GRAMD2B: variants seen among roughly 807,000 people sequenced by gnomAD.
The protein encoded by GRAMD2B is GRAM domain-containing protein 2B.
GRAMD2B carries 41 observed loss-of-function variants against 59.2 expected under a neutral mutation model. The observed-to-expected ratio is 0.69, with a 90% confidence interval of 0.54 to 0.90. The LOEUF is 0.90. GRAMD2B is among the 40% of genes least tolerant of loss of function. The pLI is 0.00. For missense variants in GRAMD2B, 424 were observed against 500.5 expected (o/e 0.85, Z 1.46); for synonymous variants, 161 against 182.7 (o/e 0.88, Z 0.96).
In GRAMD2B at chr5:126,423,627, T is replaced by C. The variant is rs1760034895; in HGVS notation, c.21T>C (p.Asp7=). The change falls in exon 1 of 14, where the codon GAT becomes GAC. Residue 7 remains aspartate, a synonymous_variant. Coordinates refer to ENST00000285689, the MANE Select transcript of GRAMD2B (RefSeq NM_023927.4). MTELQQ[D]VEDTKPAKVL... Reference sequence around the variant, plus strand: ...CCCCGATGACTGAACTACAGCAAGATGTGGAAGACACAAAGCCTGCGAAAG... The same window carrying C: ...CCCCGATGACTGAACTACAGCAAGACGTGGAAGACACAAAGCCTGCGAAAG... 2.5e-6 allele frequency: 4 copies of C among 1,612,482 alleles called. No homozygotes were observed. Among genetic ancestry groups the C allele is most frequent in the Non-Finnish European group, 3.4e-6 (4 of 1,179,408 alleles).
intron 1 of GRAMD2B, 93 bp from the exon 2 acceptor site, chr5:126,465,309 CTATCAGTGAGGAATGAAAATCATT>C: frequency 6.4e-7 from 1 of 1,556,542 alleles, no homozygotes; most frequent in Non-Finnish European, 8.7e-7. Context: ...GTTAACTAGC[CTATCAGTGAGGAATGAAAATCATT>C]CCATTCTCTA....
intron 2 of GRAMD2B, chr5:126,466,298 T>C (rs908311214): frequency 6.6e-7 from 1 of 1,520,108 alleles, no homozygotes; most frequent in African/African-American, 1.4e-5. Flanking sequence ...TCCCAGCCCA[T>C]ATCTTCTCTC....
intron 8 of GRAMD2B, among the ~76,000 whole-genome samples, chr5:126,481,223 GAAAGAAAGAAAGAAAGAAAGAAAGA>G (rs1771749846): frequency 2.2e-5 from 2 of 89,074 alleles, no homozygotes; most frequent in African/African-American, 4.9e-5. Flanking sequence ...AAGAAAGAAA[GAAAGAAAGAAAGAAAGAAAGAAAGA>G]AAAGAAAAAA....
Position 126,437,972 on chromosome 5 carries a change from A to T in GRAMD2B, c.83+14283A>T, listed in dbSNP as rs116196898. Among the ~76,000 whole-genome samples the T allele has an allele frequency of 2.4e-3, 365 of 152,274 alleles. 2 individuals are homozygous for T. Among genetic ancestry groups the T allele is most frequent in the African/African-American group, 8.4e-3 (350 of 41,542 alleles). On this transcript the variant is annotated intron_variant, in intron 1 of 13. Transcript: ENST00000285689. ...GTGCCTGGCTTGCATCACAGCTCAGATTGGTGCATACTGGAATCTTCTTTG... is the reference window on the plus strand; with the variant it reads ...GTGCCTGGCTTGCATCACAGCTCAGTTTGGTGCATACTGGAATCTTCTTTG...
chr5:126,394,168 G>A (rs544542161), intron 1 of GRAMD2B, among the ~76,000 whole-genome samples: 54 of 151,964 alleles, frequency 3.6e-4, no homozygotes, highest in African/African-American at 6.3e-4. Context: ...CCAGCTACTC[G>A]GGAGGCTGAG....
At chr5:126,436,487 A>G (rs1762436331) in intron 1 of GRAMD2B, among the ~76,000 whole-genome samples, 1 of 152,126 alleles carries the variant, frequency 6.6e-6, no homozygotes, top group Non-Finnish European at 1.5e-5. Context: ...TGCCTCTACC[A>G]CAAATAATAT....
upstream of GRAMD2B, among the ~76,000 whole-genome samples, chr5:126,370,197 G>T (rs1211902682): frequency 6.6e-6 from 1 of 152,176 alleles, no homozygotes; most frequent in Non-Finnish European, 1.5e-5. Flanking sequence ...GGAAAATATT[G>T]TCCAAAATAA....
chr5:126,430,398 C>T (rs1761370815), intron 1 of GRAMD2B, among the ~76,000 whole-genome samples: 1 of 152,130 alleles, frequency 6.6e-6, no homozygotes. Flanking sequence ...TACCCATTTC[C>T]AGGTGTAATT....
At chr5:126,408,631 T>C (rs953093734) in intron 1 of GRAMD2B, among the ~76,000 whole-genome samples, 1 of 151,834 alleles carries the variant, frequency 6.6e-6, no homozygotes, top group Non-Finnish European at 1.5e-5. Context: ...ACTAAAATCA[T>C]GCTGTGTGAC....
At chr5:126,365,269 A>C (rs138800540) in intron 1 of GRAMD2B, among the ~76,000 whole-genome samples, 102 of 152,268 alleles carry the variant, frequency 6.7e-4, no homozygotes, top group African/African-American at 2.2e-3. Context: ...TGACTAAAAT[A>C]GTAAATTTAT....
chr5:126,493,787 G>C lies in GRAMD2B; in HGVS notation c.*831G>C, dbSNP rs1165620697. On this transcript the variant is annotated 3_prime_UTR_variant, in exon 14 of 14. Transcript: ENST00000285689. Reference sequence around the variant, plus strand: ...ATTTTTAAGACTGTAGGTGGACTATGTTAGTAGTTTTCAAGCAGGATGTCT... The same window carrying C: ...ATTTTTAAGACTGTAGGTGGACTATCTTAGTAGTTTTCAAGCAGGATGTCT... 6.6e-6 allele frequency: 1 copy of C among 152,588 alleles called. No homozygotes were observed. Among genetic ancestry groups the C allele is most frequent in the Admixed American group, 6.5e-5 (1 of 15,272 alleles). 9.5% of individuals were successfully genotyped at this position (152,588 alleles called of 1,614,324 possible).
Position 126,480,488 on chromosome 5 carries a change from A to G in GRAMD2B, c.615A>G (p.Ser205=), listed in dbSNP as rs1771508833. ...YIFVSLLSRD[S]TYKLLKSVCG... ...TTGTCTCCTTACTCTCCAGAGATTC[A>G]ACTTACAAACTACTAAAATCTGTGT... is the stretch of plus-strand genomic sequence containing the variant. The change falls in exon 7 of 14, where the codon TCA becomes TCG. Residue 205 remains serine (S), a synonymous_variant. Transcript: ENST00000285689. 1 of 1,613,234 alleles carries G rather than the reference A, an allele frequency of 6.2e-7. No individual in the cohort carries two copies. Among genetic ancestry groups the G allele is most frequent in the South Asian group, 1.1e-5 (1 of 91,060 alleles).
rs564421125 is a variant in GRAMD2B, at chr5:126,490,706, G to A, written c.1257+1814G>A. Among the ~76,000 whole-genome samples the A allele has an allele frequency of 1.3e-4, 20 of 152,314 alleles. No individual in the cohort carries two copies. The East Asian group carries it at 1.7e-3, about 13-fold the overall frequency. ...GCTGGGCACTAGCGCAGCACAGCCT[G>A]CCGGTGAAATAGCAGCTCCATGCTG... On this transcript the variant is annotated intron_variant, in intron 13 of 13. Transcript: ENST00000285689.
chr5:126,450,696 C>T (rs962711762), intron 1 of GRAMD2B, among the ~76,000 whole-genome samples: 14 of 151,294 alleles, frequency 9.3e-5, no homozygotes, highest in African/African-American at 7.3e-5. Flanking sequence ...CACTCTGTCC[C>T]GGCCAGTCTG....
intron 2 of GRAMD2B, 36 bp from the exon 3 acceptor site, chr5:126,469,641 A>G: frequency 1.4e-6 from 2 of 1,453,200 alleles, no homozygotes; most frequent in Non-Finnish European, 1.9e-6. Context: ...TCAAAAAAAA[A>G]TTATCTTATA....
upstream of GRAMD2B, among the ~76,000 whole-genome samples, chr5:126,368,523 G>A (rs1754573747): frequency 6.6e-6 from 1 of 152,214 alleles, no homozygotes; most frequent in Non-Finnish European, 1.5e-5. Context: ...AATTCACCGG[G>A]CAAGCCCCAG....
intron 1 of GRAMD2B, among the ~76,000 whole-genome samples, chr5:126,399,284 T>C (rs1287275495): frequency 6.6e-6 from 1 of 152,172 alleles, no homozygotes; most frequent in Non-Finnish European, 1.5e-5. Flanking sequence ...GGTCCTCTGA[T>C]ATTTTGTATA....
At chr5:126,404,103 G>A (rs1487117050) in intron 1 of GRAMD2B, among the ~76,000 whole-genome samples, 2 of 151,868 alleles carry the variant, frequency 1.3e-5, no homozygotes, top group African/African-American at 4.8e-5. Flanking sequence ...CTATGGAAAT[G>A]CTAATGTTAA....
At chr5:126,406,635 T>G (rs769783767) in intron 1 of GRAMD2B, among the ~76,000 whole-genome samples, 40 of 152,008 alleles carry the variant, frequency 2.6e-4, no homozygotes, top group Non-Finnish European at 4.6e-4. Flanking sequence ...TTTTCTGCTG[T>G]GTACTATTTA....
Sources: gnomAD v4.1 joint callset for allele counts (sites outside exome capture counted in the v4.1 genomes callset) on GRCh38, gnomAD v4.1.1 for gene constraint, MANE v1.5 for transcripts, NCBI Gene and HGNC (gene_info 2026-07-23, HGNC 2026-07-21) for gene names.